The following NALCN variants were observed in gnomAD, a reference collection of about 807,000 sequenced individuals.
NALCN encodes the protein sodium leak channel NALCN.
A neutral mutation model predicts 225.3 loss-of-function variants in NALCN; 111 were observed. The ratio of observed to expected loss-of-function variants is 0.49; its 90% CI spans 0.42 to 0.58. The LOEUF (loss-of-function observed/expected upper bound fraction) is 0.58. NALCN is among the 20% of genes least tolerant of loss of function. NALCN has a pLI of 0.00. For missense variants in NALCN, 1,378 were observed against 2,202.4 expected (o/e 0.63, Z 7.49); for synonymous variants, 764 against 769.0 (o/e 0.99, Z 0.11).
At chr13:101,306,935 C>T (rs554891361) in intron 7 of NALCN, among the ~76,000 whole-genome samples, 1 of 152,138 alleles carries the variant, frequency 6.6e-6, no homozygotes, top group Non-Finnish European at 1.5e-5. Context: ...CAGGCTCCTT[C>T]CTGCGGTTTC....
At chr13:101,367,618 T>A (rs1228950474) in intron 6 of NALCN, among the ~76,000 whole-genome samples, 1 of 152,128 alleles carries the variant, frequency 6.6e-6, no homozygotes, top group African/African-American at 2.4e-5. Context: ...AATCTAAATA[T>A]GGAGTAAAAA....
At chr13:101,107,254 G>A (rs1035471178) in intron 22 of NALCN, among the ~76,000 whole-genome samples, 6 of 152,242 alleles carry the variant, frequency 3.9e-5, no homozygotes, top group Middle Eastern at 3.4e-3. Flanking sequence ...ATGCACAAAC[G>A]AAAATGGCTG....
chr13:101,186,754 C>A (rs1184347281), intron 14 of NALCN, among the ~76,000 whole-genome samples: 2 of 151,950 alleles, frequency 1.3e-5, no homozygotes, highest in South Asian at 4.2e-4. Flanking sequence ...TCATATAAAT[C>A]TGAGAAAAAT....
At chr13:101,230,811 ATT>A (rs899949843) in intron 12 of NALCN, among the ~76,000 whole-genome samples, 1 of 150,894 alleles carries the variant, frequency 6.6e-6, no homozygotes, top group African/African-American at 2.4e-5. Context: ...GTACTCAACT[ATT>A]CTCTCTCTAT....
At position 101,400,167 on chromosome 13, in the gene NALCN, A is replaced by G. The variant is rs528139151; in HGVS notation, c.-39-1002T>C. Among the ~76,000 whole-genome samples the G allele has an allele frequency of 2.1e-3, 327 of 152,238 alleles. 2 individuals carry two copies. The highest frequency in any genetic ancestry group is 7.6e-3 in the African/African-American group (314 of 41,526). Reference sequence around the variant, plus strand: ...CCCTAACCAAAAAAAAACAAAAAACAAAAAACTCATCTTCTTACACATGCA... The same window carrying G: ...CCCTAACCAAAAAAAAACAAAAAACGAAAAACTCATCTTCTTACACATGCA... On this transcript the variant is annotated intron_variant, in intron 1 of 43. Coordinates refer to ENST00000251127, the MANE Select transcript of NALCN (RefSeq NM_052867.4).
intron 7 of NALCN, among the ~76,000 whole-genome samples, chr13:101,332,737 T>A (rs766154336): frequency 1.3e-5 from 2 of 152,220 alleles, no homozygotes; most frequent in South Asian, 2.1e-4. Flanking sequence ...TAAAAACATT[T>A]GTTTCAGAGG....
At chr13:101,158,926 T>C (rs924544732) in intron 15 of NALCN, among the ~76,000 whole-genome samples, 18 of 152,186 alleles carry the variant, frequency 1.2e-4, no homozygotes, top group Non-Finnish European at 4.4e-5. Flanking sequence ...TAATCAGGAA[T>C]AAGAGGACCA....
chr13:101,149,110 G>A (rs1463927229), intron 15 of NALCN, among the ~76,000 whole-genome samples: 11 of 152,214 alleles, frequency 7.2e-5, no homozygotes, highest in Admixed American at 2.0e-4. Context: ...TGGCTAACAC[G>A]GTGAAACCCC....
At chr13:101,059,493 T>C (rs545020942) in intron 42 of NALCN, among the ~76,000 whole-genome samples, 1 of 152,286 alleles carries the variant, frequency 6.6e-6, no homozygotes, top group East Asian at 1.9e-4. Flanking sequence ...ATACCCAGAT[T>C]CAAATGCAGC....
At chr13:101,071,868 G>GAT (rs1213741634) in intron 37 of NALCN, among the ~76,000 whole-genome samples, 1 of 152,192 alleles carries the variant, frequency 6.6e-6, no homozygotes, top group African/African-American at 2.4e-5. Context: ...TGAAGTGACT[G>GAT]ATGTGTGAAT....
At chr13:101,369,166 A>ATGTGTGTGTGTG (rs56739782) in intron 6 of NALCN, among the ~76,000 whole-genome samples, 2,069 of 146,354 alleles carry the variant, frequency 0.014, 27 homozygotes, top group Middle Eastern at 0.021. Flanking sequence ...GACAAAATAA[A>ATGTGTGTGTGTG]TGTGTGTGTG....
chr13:101,205,772 C>T (rs1210536960), intron 13 of NALCN, among the ~76,000 whole-genome samples: 2 of 151,990 alleles, frequency 1.3e-5, no homozygotes, highest in Non-Finnish European at 2.9e-5. Flanking sequence ...CAAATATGTG[C>T]TATAAAATTG....
chr13:101,125,090 T>C (rs1207777763), intron 17 of NALCN, among the ~76,000 whole-genome samples: 2 of 152,146 alleles, frequency 1.3e-5, no homozygotes, highest in South Asian at 2.1e-4. Context: ...TTAGGAGTTG[T>C]TTTGCTTGCA....
chr13:101,129,529 C>T (rs2036408621), intron 17 of NALCN, among the ~76,000 whole-genome samples: 1 of 152,122 alleles, frequency 6.6e-6, no homozygotes, highest in South Asian at 2.1e-4. Flanking sequence ...TCAGCTTGTA[C>T]ACTTCCTATT....
At chr13:101,097,007 C>T (rs113012960) in intron 27 of NALCN, among the ~76,000 whole-genome samples, 50 of 149,510 alleles carry the variant, frequency 3.3e-4, no homozygotes, top group African/African-American at 1.3e-3. Context: ...GACCAGCATC[C>T]CAGCAGAAGC....
At chr13:101,107,156 T>G (rs1050667598) in intron 22 of NALCN, among the ~76,000 whole-genome samples, 1 of 152,244 alleles carries the variant, frequency 6.6e-6, no homozygotes, top group Non-Finnish European at 1.5e-5. Flanking sequence ...CCTTTCACCA[T>G]GTCCTTTAGT....
At chr13:101,178,146 A>G (rs561178395) in intron 14 of NALCN, among the ~76,000 whole-genome samples, 1 of 152,284 alleles carries the variant, frequency 6.6e-6, no homozygotes, top group African/African-American at 2.4e-5. Context: ...TACCTCGACG[A>G]CAGAAAGTAA....
chr13:101,311,445 C>G (rs1345481100), intron 7 of NALCN, among the ~76,000 whole-genome samples: 1 of 128,084 alleles, frequency 7.8e-6, no homozygotes, highest in Non-Finnish European at 1.8e-5. Context: ...TGCCAGTTTT[C>G]AAAGGGAATG....
intron 14 of NALCN, among the ~76,000 whole-genome samples, chr13:101,179,023 C>G (rs1387067939): frequency 6.6e-6 from 1 of 152,208 alleles, no homozygotes; most frequent in East Asian, 1.9e-4. Context: ...TACTTAAGGA[C>G]AGCAAGGCTA....
Sources: allele counts gnomAD v4.1 joint callset (sites outside exome capture counted in the v4.1 genomes callset), GRCh38; gene constraint gnomAD v4.1.1; transcripts MANE v1.5; gene names NCBI Gene and HGNC (gene_info 2026-07-23, HGNC 2026-07-21).